Variants in EXD1 observed in about 807,000 individuals in gnomAD.
EXD1 encodes exonuclease 3'-5' domain containing 1.
In EXD1, 63 loss-of-function variants were observed where a neutral mutation model predicts 49.1. That is an observed-to-expected ratio of 1.28 (90% confidence interval 1.05 to 1.58). EXD1 has a LOEUF of 1.58. EXD1 is among the 40% of genes most tolerant of loss of function. EXD1 has a pLI of 0.00. For missense variants in EXD1, 748 were observed against 666.0 expected (o/e 1.12, Z -1.36); for synonymous variants, 234 against 239.2 (o/e 0.98, Z 0.20).
chr15:41,210,527 T>C (rs1350695701), intron 6 of EXD1, among the ~76,000 whole-genome samples: 3 of 151,856 alleles, frequency 2.0e-5, no homozygotes, highest in East Asian at 1.9e-4. Flanking sequence ...GTACAAAAAA[T>C]ACAAAAAATT....
At chr15:41,219,751 A>G (rs8030706) in intron 3 of EXD1, 79 bp downstream of exon 3, 100,807 of 1,208,516 alleles carry the variant, frequency 0.083, 8,528 homozygotes, top group African/African-American at 0.4. Context: ...ATCCATAAGC[A>G]CAACATTAAG....
intron 9 of EXD1, among the ~76,000 whole-genome samples, chr15:41,194,595 A>AT (rs1176478303): frequency 3.3e-5 from 5 of 152,230 alleles, no homozygotes; most frequent in African/African-American, 9.6e-5. Context: ...ATAAATTTGC[A>AT]TTGTTTTAGG....
At chr15:41,222,926 C>G (rs2047111066) in intron 2 of EXD1, among the ~76,000 whole-genome samples, 1 of 114,204 alleles carries the variant, frequency 8.8e-6, no homozygotes, top group African/African-American at 4.0e-5. Context: ...CAGACTGAGA[C>G]TCTGTCTCAA....
chr15:41,216,767 T>C lies in EXD1; in HGVS notation c.289A>G (p.Lys97Glu). 1 of 1,613,852 alleles carries C rather than the reference T, an allele frequency of 6.2e-7. No homozygotes were observed. The highest frequency in any genetic ancestry group is 8.5e-7 in the Non-Finnish European group (1 of 1,180,030). Reference sequence around the variant, plus strand: ...ACATTTAGGTCTTCAACTTTCATTTTCTCCATCCAGGTTCTTTCTGCATGT... The same window carrying C: ...ACATTTAGGTCTTCAACTTTCATTTCCTCCATCCAGGTTCTTTCTGCATGT... ...SLHAERTWME[K>E]MKVEDLNVCE... The change falls in exon 5 of 12, where the codon AAA becomes GAA. Residue 97 changes from lysine (K) to glutamate (E), a missense_variant. Coordinates refer to ENST00000458580, the MANE Select transcript of EXD1 (RefSeq NM_001286441.2).
At chr15:41,212,232 G>A (rs1214828487) in intron 6 of EXD1, among the ~76,000 whole-genome samples, 2 of 151,906 alleles carry the variant, frequency 1.3e-5, no homozygotes, top group African/African-American at 4.8e-5. Flanking sequence ...GGCAGATCAC[G>A]AGGTAAGGAG....
intron 5 of EXD1, among the ~76,000 whole-genome samples, chr15:41,216,149 C>T (rs868753008): frequency 1.3e-5 from 2 of 151,976 alleles, no homozygotes; most frequent in Non-Finnish European, 2.9e-5. Context: ...ACAGTATGTA[C>T]TCAGTTATTA....
At position 41,215,822 on chromosome 15, in the gene EXD1, C is replaced by A; in HGVS notation, c.400G>T (p.Val134Leu). The A allele has an allele frequency of 6.2e-7, 1 of 1,613,970 alleles. No homozygotes were observed. The highest frequency in any genetic ancestry group is 8.5e-7 in the Non-Finnish European group (1 of 1,179,906). ...AATTGATTAATGACTGTGTATGTCACCTCCTCTTCCTCTACAAGACAAGGA... is the reference window on the plus strand; with the variant it reads ...AATTGATTAATGACTGTGTATGTCAACTCCTCTTCCTCTACAAGACAAGGA... Reference protein sequence around the residue: ...LKYSPSEEEEVTYTVINQFQQ... With the variant: ...LKYSPSEEEELTYTVINQFQQ... The change falls in exon 6 of 12, where the codon GTG (valine) becomes TTG (leucine). Residue 134 changes from valine to leucine, a missense_variant. Coordinates refer to ENST00000458580, the MANE Select transcript of EXD1 (RefSeq NM_001286441.2).
intron 6 of EXD1, among the ~76,000 whole-genome samples, chr15:41,212,174 G>C (rs1231718929): frequency 6.6e-6 from 1 of 152,132 alleles, no homozygotes; most frequent in Non-Finnish European, 1.5e-5. Flanking sequence ...GAACGGCTGG[G>C]CACAGTGGCT....
chr15:41,191,723 T>A, intron 9 of EXD1, 138 bp from the exon 10 acceptor site: 2 of 814,976 alleles, frequency 2.5e-6, no homozygotes, highest in Non-Finnish European at 3.6e-6. Flanking sequence ...TCGGAAAATT[T>A]AAAGTTGTTC....
chr15:41,215,649 G>A, intron 6 of EXD1, 126 bp downstream of exon 6: 1 of 919,206 alleles, frequency 1.1e-6, no homozygotes, highest in South Asian at 1.5e-5. Context: ...TTGGTCCACT[G>A]CACTCCAACC....
At chr15:41,188,695 G>A (rs2046455018) in intron 11 of EXD1, among the ~76,000 whole-genome samples, 1 of 151,642 alleles carries the variant, frequency 6.6e-6, no homozygotes, top group South Asian at 2.1e-4. Context: ...CCTGGCCCTG[G>A]CCCTTTTTTT....
In EXD1 at chr15:41,195,951, T is replaced by G; in HGVS notation, c.621A>C (p.Glu207Asp). 6.2e-7 allele frequency: 1 copy of G among 1,612,032 alleles called. No individual in the cohort carries two copies. Among genetic ancestry groups the G allele is most frequent in the African/African-American group, 1.3e-5 (1 of 74,948 alleles). The stretch of plus-strand genomic sequence containing the variant: ...TACTTACCTTCAAAATTCTCTTGTC[T>G]TCTAGTATCATCTGAAGTCCATTGT... ...AFHNGLQMIL[E>D]DKRILKVIHD... The change falls in exon 8 of 12, where the codon GAA becomes GAC. Residue 207 changes from glutamate (E) to aspartate (D), a missense_variant. Physicochemically the swap from Glu to Asp is conservative, Grantham distance 45. Coordinates refer to ENST00000458580, the MANE Select transcript of EXD1 (RefSeq NM_001286441.2).
rs2046364870 is a variant in EXD1 at position 41,184,092 on chromosome 15, T to A, written c.1558A>T (p.Thr520Ser). 6.2e-7 allele frequency: 1 copy of A among 1,614,120 alleles called. No individual in the cohort carries two copies. The highest frequency in any genetic ancestry group is 1.7e-5 in the Admixed American group (1 of 60,000). Residue 520 changes from threonine (T) to serine (S), a missense_variant, in exon 12 of 12, where the codon ACA becomes TCA. By Grantham distance (58) the Thr-to-Ser change is moderately conservative. Coordinates refer to ENST00000458580, the MANE Select transcript of EXD1 (RefSeq NM_001286441.2). ...MVENKEDLKC[T>S]KQAVSMSSFP... The stretch of plus-strand genomic sequence containing the variant: ...GAAGACATTGAAACAGCCTGTTTTG[T>A]GCATTTTAAATCTTCCTTGTTTTCC...
At chr15:41,225,651 G>A (rs1015554242) in intron 2 of EXD1, among the ~76,000 whole-genome samples, 3 of 151,522 alleles carry the variant, frequency 2.0e-5, no homozygotes, top group African/African-American at 7.3e-5. Context: ...GGGGGACCGA[G>A]GTGGGTGGAT....
chr15:41,200,306 T>A (rs1439670884), intron 7 of EXD1, among the ~76,000 whole-genome samples: 1 of 152,116 alleles, frequency 6.6e-6, no homozygotes, highest in African/African-American at 2.4e-5. Context: ...GTGGATCACC[T>A]GAGGTCAGCT....
intron 10 of EXD1, 56 bp from the exon 11 acceptor site, chr15:41,190,184 A>C (rs911387175): frequency 1.9e-6 from 3 of 1,590,566 alleles, no homozygotes; most frequent in Non-Finnish European, 1.7e-6. Context: ...AAAGAAAATA[A>C]CTGTTTTAGG....
rs755470809 is a variant in EXD1 at position 41,219,855 on chromosome 15, C to T, written c.177G>A (p.Leu59=). Residue 59 remains leucine (L), a synonymous_variant, in exon 3 of 12, where the codon TTG becomes TTA. Transcript: ENST00000458580. ...ETGRSVPGVK[L]FFGHEIVNVE... is the part of the protein sequence containing the mutation. ...CATTCACAATCTCATGCCCAAAAAA[C>T]AACTTCACTCCTGGGACACTTCGAC... 4.6e-6 allele frequency: 7 copies of T among 1,535,822 alleles called. No individual in the cohort carries two copies. In the Middle Eastern group the frequency reaches 1.0e-3, roughly 220 times the overall value.
chr15:41,225,306 C>T (rs1038459083), intron 2 of EXD1, among the ~76,000 whole-genome samples: 2 of 152,146 alleles, frequency 1.3e-5, no homozygotes, highest in African/African-American at 2.4e-5. Context: ...AATTAAAGGG[C>T]CAGCATAGTG....
At position 41,207,060 on chromosome 15, in the gene EXD1, G is replaced by T. The variant is rs1158278155; in HGVS notation, c.534+2441C>A. On this transcript the variant is annotated intron_variant, in intron 7 of 11. Transcript: ENST00000458580. ...GTTCGAGACCAGCCTGGCCAACGTG[G>T]TGAAACCCCGTCTCTACTAAAAATA... 2.1e-5 allele frequency among the ~76,000 whole-genome samples: 3 copies of T among 146,286 alleles called. 1 individual carries two copies. In the Admixed American group the frequency reaches 2.1e-4, roughly 10 times the overall value.
Sources: allele counts gnomAD v4.1 joint callset (sites outside exome capture counted in the v4.1 genomes callset), GRCh38; gene constraint gnomAD v4.1.1; transcripts MANE v1.5; gene names NCBI Gene and HGNC (gene_info 2026-07-23, HGNC 2026-07-21).